IL17RA: variants seen among roughly 807,000 people sequenced by gnomAD.
The protein encoded by IL17RA is interleukin-17 receptor A.
Under a neutral mutation model 50.4 loss-of-function variants are expected in IL17RA, and 34 were observed. The ratio of observed to expected loss-of-function variants is 0.67; its 90% CI spans 0.51 to 0.90. IL17RA has a LOEUF of 0.90. Among genes scored for constraint, IL17RA ranks in the 40% least tolerant of loss-of-function variants. The pLI, the probability that IL17RA is intolerant of heterozygous loss-of-function variation, is 0.00. For synonymous variants in IL17RA, 585 were observed against 510.4 expected (o/e 1.15, Z -1.97); for missense variants, 1,276 against 1,169.8 (o/e 1.09, Z -1.32).
In IL17RA at chr22:17,088,157, T is replaced by C. The variant is rs1419128812; in HGVS notation, c.138+2928T>C. 3.3e-5 allele frequency among the ~76,000 whole-genome samples: 5 copies of C among 152,308 alleles called. No individual in the cohort carries two copies. The East Asian group carries it at 9.7e-4, about 29-fold the overall frequency. On this transcript the variant is annotated intron_variant, in intron 1 of 12. Coordinates refer to ENST00000319363, the MANE Select transcript of IL17RA (RefSeq NM_014339.7). ...CAGCTAATGAGTGCTAAGGTGAGAT[T>C]GAAAGCAGGCTGTGCTTGTAAGTTC... is the stretch of plus-strand genomic sequence containing the variant.
At position 17,098,805 on chromosome 22, in the gene IL17RA, T is replaced by A. The variant is rs1410167311; in HGVS notation, c.341T>A (p.Leu114Ter). The A allele has an allele frequency of 6.2e-7, 1 of 1,614,200 alleles. No homozygotes were observed. The highest frequency in any genetic ancestry group is 1.7e-5 in the Admixed American group (1 of 60,020). ...ASILYLEGAE[L>*]SVLQLNTNER... ...ATCCTGTACCTCGAGGGTGCAGAGT[T>A]ATCTGTCCTGCAGCTGAACACCAAT... Residue 114 changes from leucine (L) to a stop codon, truncating the protein, a stop_gained, in exon 4 of 13, where the codon TTA becomes TAA. Transcript: ENST00000319363. LOFTEE classifies it high-confidence loss of function.
At chr22:17,103,168 C>T (rs1485799862) in intron 7 of IL17RA, among the ~76,000 whole-genome samples, 4 of 152,110 alleles carry the variant, frequency 2.6e-5, no homozygotes, top group Non-Finnish European at 5.9e-5. Context: ...AAAGGTAATA[C>T]GATGAAGCCA....
intron 10 of IL17RA, 102 bp downstream of exon 10, chr22:17,105,704 C>T (rs1356101389): frequency 3.9e-5 from 56 of 1,422,984 alleles, no homozygotes; most frequent in Non-Finnish European, 4.7e-5. Flanking sequence ...AAGGCTGAAC[C>T]GAGGCCAGCC....
intron 1 of IL17RA, among the ~76,000 whole-genome samples, chr22:17,089,660 C>T (rs1454741497): frequency 6.6e-6 from 1 of 152,150 alleles, no homozygotes; most frequent in Non-Finnish European, 1.5e-5. Context: ...ATCACTTAAG[C>T]CCAGGAGTTC....
At position 17,108,667 on chromosome 22, in the gene IL17RA, T is replaced by C; in HGVS notation, c.1448T>C (p.Met483Thr). The change falls in exon 13 of 13, where the codon ATG becomes ACG. Residue 483 changes from methionine (M) to threonine (T), a missense_variant. Transcript: ENST00000319363. ...KPVGDLFTAAMNMILPDFKRP... is the reference protein window; with the variant it reads ...KPVGDLFTAATNMILPDFKRP... ...GTGGGGGACCTGTTCACTGCAGCCA[T>C]GAACATGATCCTCCCGGACTTCAAG... 6.2e-7 allele frequency: 1 copy of C among 1,608,006 alleles called. No homozygotes were observed. Among genetic ancestry groups the C allele is most frequent in the Non-Finnish European group, 8.5e-7 (1 of 1,179,804 alleles).
rs1403368167 is a variant in IL17RA, at chr22:17,085,244, G to A, written c.138+15G>A. 2 of 1,538,096 alleles carry A rather than the reference G, an allele frequency of 1.3e-6. No homozygotes were observed. The highest frequency in any genetic ancestry group is 2.5e-5 in the East Asian group (1 of 40,684). The stretch of plus-strand genomic sequence containing the variant: ...GCTCCCAGCCGGTGAGACTCGACGT[G>A]GGGAGCGGTAGCCGCCAGGATGCTG... On this transcript the variant is annotated intron_variant, in intron 1 of 12. Coordinates refer to ENST00000319363, the MANE Select transcript of IL17RA (RefSeq NM_014339.7).
At chr22:17,101,869 T>C (rs1477675499) in intron 5 of IL17RA, 127 bp from the exon 6 acceptor site, 1 of 1,166,928 alleles carries the variant, frequency 8.6e-7, no homozygotes, top group African/African-American at 1.5e-5. Flanking sequence ...TGGAGCTCAC[T>C]CTGAAGGGGC....
intron 7 of IL17RA, among the ~76,000 whole-genome samples, chr22:17,103,132 T>TA (rs2061397759): frequency 6.6e-6 from 1 of 152,064 alleles, no homozygotes; most frequent in South Asian, 2.1e-4. Flanking sequence ...ACAAGAGTGA[T>TA]ACTCCATCTC....
chr22:17,087,426 T>G (rs1434539777), intron 1 of IL17RA, among the ~76,000 whole-genome samples: 1 of 152,228 alleles, frequency 6.6e-6, no homozygotes. Context: ...GATTTAGCCT[T>G]CCATAACTAT....
intron 3 of IL17RA, 83 bp from the exon 4 acceptor site, chr22:17,098,692 C>T (rs1262258998): frequency 2.1e-5 from 23 of 1,089,838 alleles, no homozygotes; most frequent in Non-Finnish European, 2.9e-5. Context: ...AGTGAACAAC[C>T]GCAACAGATA....
At position 17,109,538 on chromosome 22, in the gene IL17RA, G is replaced by C; in HGVS notation, c.2319G>C (p.Met773Ile). 6.3e-7 allele frequency: 1 copy of C among 1,599,324 alleles called. No homozygotes were observed. Among genetic ancestry groups the C allele is most frequent in the Non-Finnish European group, 8.5e-7 (1 of 1,172,984 alleles). ...QAQGGCSRPA[M>I]VLTDPHTPYE... ...AGGGGGGCTGCAGTAGACCCGCCATGGTCCTCACAGACCCACACACGCCCT... is the reference window on the plus strand; with the variant it reads ...AGGGGGGCTGCAGTAGACCCGCCATCGTCCTCACAGACCCACACACGCCCT... The change falls in exon 13 of 13, where the codon ATG becomes ATC. Residue 773 changes from methionine to isoleucine, a missense_variant. Transcript: ENST00000319363.
At position 17,102,134 on chromosome 22, in the gene IL17RA, G is replaced by A. The variant is rs570076897; in HGVS notation, c.599-5G>A. ...ACTCCCAGCCTGCGTGTGTGACCTT[G>A]GCAGGCAGCCTGTGGGACCCCAACA... is the stretch of plus-strand genomic sequence containing the variant. On this transcript the variant is annotated splice_region_variant and splice_polypyrimidine_tract_variant and intron_variant, in intron 6 of 12. Coordinates refer to ENST00000319363, the MANE Select transcript of IL17RA (RefSeq NM_014339.7). The A allele has an allele frequency of 1.0e-4, 162 of 1,614,150 alleles. 2 individuals are homozygous for A. The South Asian group carries it at 1.7e-3, about 17-fold the overall frequency.
At position 17,112,276 on chromosome 22, in the gene IL17RA, GTCC is replaced by G. The variant is rs1159079506; in HGVS notation, c.*2461_*2463del. ...TACTATCTCCAGGGCAGCTGCCTTT[GTCC>G]TCCTAACAGCTTTATTGGAGTACAG... is the stretch of plus-strand genomic sequence containing the variant. On this transcript the variant is annotated 3_prime_UTR_variant, in exon 13 of 13. Transcript: ENST00000319363. The G allele has an allele frequency of 6.6e-6, 1 of 152,166 alleles. No individual in the cohort carries two copies. The highest frequency in any genetic ancestry group is 2.1e-4 in the South Asian group (1 of 4,830). 9.4% of individuals were successfully genotyped at this position (152,166 alleles called of 1,614,324 possible).
intron 11 of IL17RA, 36 bp downstream of exon 11, chr22:17,105,990 C>T: frequency 2.0e-6 from 3 of 1,517,922 alleles, no homozygotes; most frequent in Non-Finnish European, 2.7e-6. Flanking sequence ...TGGAGTCAGG[C>T]TCTAATACCA....
At chr22:17,096,563 CA>C (rs1403202282) in intron 1 of IL17RA, among the ~76,000 whole-genome samples, 1 of 152,162 alleles carries the variant, frequency 6.6e-6, no homozygotes, top group Non-Finnish European at 1.5e-5. Context: ...CAGCTCATAG[CA>C]GTTCCTCATA....
intron 1 of IL17RA, among the ~76,000 whole-genome samples, chr22:17,086,921 G>A (rs41435444): frequency 0.011 from 1,746 of 152,330 alleles, 35 homozygotes; most frequent in African/African-American, 0.04. Flanking sequence ...GCTGTGCGTG[G>A]CGTGGGAGCC....
At chr22:17,104,850 C>A in intron 9 of IL17RA, 40 bp downstream of exon 9, 1 of 1,596,638 alleles carries the variant, frequency 6.3e-7, no homozygotes, top group African/African-American at 1.3e-5. Flanking sequence ...ACTGGGAGAA[C>A]AAGTGGCTGA....
In IL17RA at chr22:17,098,935, T is replaced by C. The variant is rs185937604; in HGVS notation, c.423+48T>C. On this transcript the variant is annotated intron_variant, in intron 4 of 12. Coordinates refer to ENST00000319363, the MANE Select transcript of IL17RA (RefSeq NM_014339.7). ...GATTATGTTCCACTGATGACACCAG[T>C]ACAGACTTCTTGTCCCCAAATTCAG... 249 of 1,446,514 alleles carry C rather than the reference T, an allele frequency of 1.7e-4. 1 individual carries two copies. The highest frequency in any genetic ancestry group is 1.4e-3 in the African/African-American group (101 of 71,670). 89.6% of individuals were successfully genotyped at this position (1,446,514 alleles called of 1,614,324 possible). A position where few individuals can be genotyped will look rare whatever the true frequency, so the allele number is the denominator to read the frequency against.
At chr22:17,090,084 G>A (rs1419254245) in intron 1 of IL17RA, among the ~76,000 whole-genome samples, 2 of 152,072 alleles carry the variant, frequency 1.3e-5, no homozygotes, top group East Asian at 1.9e-4. Flanking sequence ...GTGCAGGGGC[G>A]CAATCTCTGC....
Sources: allele counts gnomAD v4.1 joint callset (sites outside exome capture counted in the v4.1 genomes callset), GRCh38; gene constraint gnomAD v4.1.1; transcripts MANE v1.5; gene names NCBI Gene and HGNC (gene_info 2026-07-23, HGNC 2026-07-21).